SNAP47: variants seen among roughly 807,000 people sequenced by gnomAD.
SNAP47 encodes the protein synaptosome associated protein 47.
In SNAP47, 20 loss-of-function variants were observed where a neutral mutation model predicts 31.4. That is an observed-to-expected ratio of 0.64 (90% confidence interval 0.45 to 0.93). The LOEUF is 0.93. Among genes scored for constraint, SNAP47 ranks in the 40% least tolerant of loss-of-function variants. The pLI is 0.00. For synonymous variants in SNAP47, 194 were observed against 213.4 expected (o/e 0.91, Z 0.79); for missense variants, 492 against 528.5 (o/e 0.93, Z 0.68).
chr1:227,776,833 G>A, intron 4 of SNAP47: 1 of 985,448 alleles, frequency 1.0e-6, no homozygotes, highest in Non-Finnish European at 1.2e-6. Context: ...GGCAGGCCAA[G>A]GGTCTCAACA....
At chr1:227,735,795 C>G (rs1190564465) in intron 1 of SNAP47, 1 of 880,646 alleles carries the variant, frequency 1.1e-6, no homozygotes, top group East Asian at 1.2e-4. Flanking sequence ...TGGTAGGGTC[C>G]TGGAGGAGAT....
At chr1:227,736,698 T>G (rs1379108326) in intron 1 of SNAP47, among the ~76,000 whole-genome samples, 2 of 145,714 alleles carry the variant, frequency 1.4e-5, no homozygotes, top group East Asian at 2.0e-4. Flanking sequence ...TTTTTTTTTT[T>G]TTTTTTGTAG....
At chr1:227,750,019 CTT>C (rs1662245728) in intron 2 of SNAP47, among the ~76,000 whole-genome samples, 1 of 152,278 alleles carries the variant, frequency 6.6e-6, no homozygotes, top group South Asian at 2.1e-4. Flanking sequence ...GGAATCCCGC[CTT>C]GGCATTGGCC....
chr1:227,759,066 C>T lies in SNAP47; in HGVS notation c.569C>T (p.Thr190Ile), dbSNP rs533031850. The T allele has an allele frequency of 6.2e-7, 1 of 1,614,050 alleles. No individual in the cohort carries two copies. The highest frequency in any genetic ancestry group is 2.2e-5 in the East Asian group (1 of 44,890). Reference protein sequence around the residue: ...SSKLWKTPPETKPREDVSMTS... With the variant: ...SSKLWKTPPEIKPREDVSMTS... ...AAGCTTTGGAAGACACCACCGGAAA[C>T]AAAGCCCAGGGAAGATGTCTCCATG... The change falls in exon 3 of 5, where the codon ACA (threonine) becomes ATA (isoleucine). Residue 190 changes from threonine (T) to isoleucine (I), a missense_variant. Coordinates refer to ENST00000617596, the MANE Select transcript of SNAP47 (RefSeq NM_053052.4).
At chr1:227,748,630 G>A (rs1210766312) in intron 2 of SNAP47, among the ~76,000 whole-genome samples, 1 of 152,228 alleles carries the variant, frequency 6.6e-6, no homozygotes, top group Non-Finnish European at 1.5e-5. Context: ...TGAGGTCACA[G>A]AGGATGGAGT....
chr1:227,761,419 A>G (rs543038363), intron 3 of SNAP47, among the ~76,000 whole-genome samples: 4 of 152,344 alleles, frequency 2.6e-5, no homozygotes, highest in Admixed American at 6.5e-5. Flanking sequence ...CTTTCTGTAT[A>G]TGTCTTAAAG....
intron 4 of SNAP47, chr1:227,768,151 C>T (rs1475477290): frequency 5.2e-6 from 2 of 381,000 alleles, no homozygotes; most frequent in Admixed American, 1.3e-4. Flanking sequence ...CCAGGCAGTG[C>T]TCCCACCTTC....
At chr1:227,735,328 G>A (rs761341083), upstream of SNAP47, 5 of 1,600,724 alleles carry the variant, frequency 3.1e-6, no homozygotes, top group Non-Finnish European at 4.2e-6. Context: ...GAGCGGAAAC[G>A]GTGAGGACCA....
At chr1:227,774,197 A>G (rs548460279) in intron 4 of SNAP47, among the ~76,000 whole-genome samples, 1 of 152,314 alleles carries the variant, frequency 6.6e-6, no homozygotes, top group African/African-American at 2.4e-5. Context: ...CTCCTGGGCC[A>G]TGGGTTTATA....
chr1:227,775,876 T>C, intron 4 of SNAP47: 1 of 1,303,810 alleles, frequency 7.7e-7, no homozygotes, highest in Non-Finnish European at 1.0e-6. Flanking sequence ...ACAGAGACTT[T>C]CCTAGCAGGG....
intron 1 of SNAP47, among the ~76,000 whole-genome samples, chr1:227,740,934 TGGGGG>T (rs1661546643): frequency 7.5e-6 from 1 of 133,368 alleles, no homozygotes; most frequent in African/African-American, 3.1e-5. Context: ...CCGTTAGGGG[TGGGGG>T]CAGATGCCCA....
chr1:227,738,214 G>A (rs1661358819), intron 1 of SNAP47, among the ~76,000 whole-genome samples: 1 of 152,024 alleles, frequency 6.6e-6, no homozygotes, highest in Admixed American at 6.5e-5. Context: ...GCTAATTTTT[G>A]TATTTTTAGT....
chr1:227,738,572 A>G (rs955859384), intron 1 of SNAP47, among the ~76,000 whole-genome samples: 9 of 152,144 alleles, frequency 5.9e-5, no homozygotes, highest in Non-Finnish European at 1.3e-4. Context: ...TTTTTATTTA[A>G]CAATATGCTG....
intron 1 of SNAP47, among the ~76,000 whole-genome samples, chr1:227,736,691 T>G (rs1303867126): frequency 2.1e-4 from 30 of 145,272 alleles, no homozygotes; most frequent in Admixed American, 1.2e-3. Flanking sequence ...TTTTTGTTTT[T>G]TTTTTTTTTT....
intron 2 of SNAP47, among the ~76,000 whole-genome samples, chr1:227,756,600 G>T (rs117489068): frequency 6.6e-6 from 1 of 152,212 alleles, no homozygotes; most frequent in Admixed American, 6.5e-5. Context: ...GCAGTGCCCC[G>T]ATGGTGGTGG....
intron 1 of SNAP47, among the ~76,000 whole-genome samples, chr1:227,729,330 AC>A (rs1660493973): frequency 6.6e-6 from 1 of 152,006 alleles, no homozygotes; most frequent in Non-Finnish European, 1.5e-5. Context: ...CTTGGTCCCT[AC>A]CCTTGGCTTC....
intron 1 of SNAP47, chr1:227,745,642 A>G (rs1661913082): frequency 6.6e-6 from 1 of 152,284 alleles, no homozygotes; most frequent in Non-Finnish European, 1.5e-5. Context: ...GTCTCGGCAC[A>G]GCGGGCTTCC....
intron 4 of SNAP47, among the ~76,000 whole-genome samples, chr1:227,771,059 C>A (rs988286243): frequency 2.6e-5 from 4 of 152,202 alleles, no homozygotes; most frequent in African/African-American, 7.2e-5. Context: ...AACGCAGCAC[C>A]CACCCTCCGA....
At position 227,756,170 on chromosome 1, in the gene SNAP47, T is replaced by C. The variant is rs114406506; in HGVS notation, c.498-2825T>C. Among the ~76,000 whole-genome samples the C allele has an allele frequency of 8.5e-3, 1,300 of 152,316 alleles. 26 individuals are homozygous for C. Among genetic ancestry groups the C allele is most frequent in the African/African-American group, 0.03 (1,238 of 41,570 alleles). ...TCAGAATAAATCTCTTAAAATATATTACAGAGTGTGGCTTTTTAAATCAAC... is the reference window on the plus strand; with the variant it reads ...TCAGAATAAATCTCTTAAAATATATCACAGAGTGTGGCTTTTTAAATCAAC... On this transcript the variant is annotated intron_variant, in intron 2 of 4. Transcript: ENST00000617596.
Sources: gnomAD v4.1 joint callset for allele counts (sites outside exome capture counted in the v4.1 genomes callset) on GRCh38, gnomAD v4.1.1 for gene constraint, MANE v1.5 for transcripts, NCBI Gene and HGNC (gene_info 2026-07-23, HGNC 2026-07-21) for gene names.